The following TMC5 variants were observed in gnomAD, a reference collection of about 807,000 sequenced individuals.
The protein encoded by TMC5 is transmembrane channel like 5.
A neutral mutation model predicts 110.5 loss-of-function variants in TMC5; 86 were observed. That is an observed-to-expected ratio of 0.78 (90% CI 0.65 to 0.93). The LOEUF is 0.93. Among genes scored for constraint, TMC5 ranks in the 40% least tolerant of loss-of-function variants. The probability of loss-of-function intolerance (pLI) is 0.00; values close to 1 mark genes in which losing one functional copy is unlikely to be tolerated. For synonymous variants in TMC5, 455 were observed against 439.5 expected (o/e 1.04, Z -0.44); for missense variants, 1,144 against 1,222.8 (o/e 0.94, Z 0.96).
intron 20 of TMC5, among the ~76,000 whole-genome samples, chr16:19,495,463 T>C (rs1177355427): frequency 6.6e-6 from 1 of 152,228 alleles, no homozygotes; most frequent in Non-Finnish European, 1.5e-5. Flanking sequence ...AGCCCACCAC[T>C]AAATACTATA....
chr16:19,463,317 C>G lies in TMC5; in HGVS notation c.1186C>G (p.Arg396Gly), dbSNP rs200495961. ...VDKEKSKQTH[R>G]ILQLNCCIQC... Reference sequence around the variant, plus strand: ...CAAAGAAAAAAGCAAACAGACCCATCGTATCCTTCAGCTCAATTGCTGTAT... The same window carrying G: ...CAAAGAAAAAAGCAAACAGACCCATGGTATCCTTCAGCTCAATTGCTGTAT... Residue 396 changes from arginine to glycine, a missense_variant, in exon 7 of 22, where the codon CGT (arginine) becomes GGT (glycine). Coordinates refer to ENST00000542583, the MANE Select transcript of TMC5 (RefSeq NM_001261841.2). 2.2e-5 allele frequency: 35 copies of G among 1,613,920 alleles called. No individual in the cohort carries two copies. Among genetic ancestry groups the G allele is most frequent in the Admixed American group, 6.7e-5 (4 of 59,994 alleles).
At chr16:19,479,323 A>C in intron 13 of TMC5, 108 bp from the exon 14 acceptor site, 1 of 873,824 alleles carries the variant, frequency 1.1e-6, no homozygotes, top group South Asian at 1.3e-5. Flanking sequence ...GACTTGGTCA[A>C]ACCCAACCAT....
At chr16:19,417,094 CAAAAAAAAAAA>C (rs60613963), upstream of TMC5, among the ~76,000 whole-genome samples, 73 of 69,176 alleles carry the variant, frequency 1.1e-3, no homozygotes, top group African/African-American at 3.1e-3. Flanking sequence ...ACTCAGTCTT[CAAAAAAAAAAA>C]AAAAAAAAAG....
At position 19,477,524 on chromosome 16, in the gene TMC5, A is replaced by G. The variant is rs1361102900; in HGVS notation, c.2169+6A>G. 2 of 1,593,190 alleles carry G rather than the reference A, an allele frequency of 1.3e-6. No individual in the cohort carries two copies. The highest frequency in any genetic ancestry group is 3.5e-5 in the Admixed American group (2 of 57,004). On this transcript the variant is annotated splice_donor_region_variant and intron_variant, in intron 13 of 21. Coordinates refer to ENST00000542583, the MANE Select transcript of TMC5 (RefSeq NM_001261841.2). Reference sequence around the variant, plus strand: ...TGGCCCTGTCTGGTGAAGAGGTGAGATTCTATGCTTCTCTGCCTTAAGTTT... The same window carrying G: ...TGGCCCTGTCTGGTGAAGAGGTGAGGTTCTATGCTTCTCTGCCTTAAGTTT...
At chr16:19,421,338 G>A (rs888031265) in intron 1 of TMC5, among the ~76,000 whole-genome samples, 6 of 152,058 alleles carry the variant, frequency 3.9e-5, no homozygotes, top group Admixed American at 2.0e-4. Flanking sequence ...TGAGAGGGAC[G>A]CTGTGGGAGG....
intron 17 of TMC5, among the ~76,000 whole-genome samples, 178 bp downstream of exon 17, chr16:19,487,504 C>T (rs1464169691): frequency 6.6e-6 from 1 of 152,098 alleles, no homozygotes; most frequent in Non-Finnish European, 1.5e-5. Flanking sequence ...GAGTTCAGGA[C>T]CAGCCTGGCC....
At chr16:19,433,013 C>T (rs544951379) in intron 2 of TMC5, among the ~76,000 whole-genome samples, 1 of 151,948 alleles carries the variant, frequency 6.6e-6, no homozygotes, top group East Asian at 1.9e-4. Context: ...ATAATATACA[C>T]ATATAATACA....
chr16:19,480,513 G>A (rs1968591571), intron 14 of TMC5, among the ~76,000 whole-genome samples: 1 of 152,050 alleles, frequency 6.6e-6, no homozygotes, highest in Non-Finnish European at 1.5e-5. Flanking sequence ...ACATAAAGGT[G>A]AAAAGGTTTG....
chr16:19,438,425 AAGAAAGAAAG>A (rs1967401596), intron 2 of TMC5, among the ~76,000 whole-genome samples: 1 of 88,448 alleles, frequency 1.1e-5, no homozygotes, highest in Non-Finnish European at 2.3e-5. Context: ...AGAAAAGAAA[AAGAAAGAAAG>A]AGAAAGAAAG....
chr16:19,436,459 T>C (rs1470819043), intron 2 of TMC5, among the ~76,000 whole-genome samples: 1 of 152,110 alleles, frequency 6.6e-6, no homozygotes, highest in Non-Finnish European at 1.5e-5. Flanking sequence ...GCTATGGAAG[T>C]TTCTGGAGCA....
rs373006118 is a variant in TMC5 at position 19,487,238 on chromosome 16, G to T, written c.2485G>T (p.Ala829Ser). The stretch of plus-strand genomic sequence containing the variant: ...CCAGCCTCCGAGCAAAGCCTGGCGG[G>T]CCTCACAGATGATGACTTTCTTCAT... ...NFQPPSKAWR[A>S]SQMMTFFIFL... Residue 829 changes from alanine to serine, a missense_variant, in exon 17 of 22, where the codon GCC becomes TCC. Coordinates refer to ENST00000542583, the MANE Select transcript of TMC5 (RefSeq NM_001261841.2). 3.1e-6 allele frequency: 5 copies of T among 1,614,066 alleles called. No individual in the cohort carries two copies. In the African/African-American group the frequency reaches 6.7e-5, roughly 22 times the overall value.
chr16:19,444,096 A>G lies in TMC5; in HGVS notation c.804A>G (p.Thr268=), dbSNP rs371498687. 5 of 1,613,880 alleles carry G rather than the reference A, an allele frequency of 3.1e-6. No homozygotes were observed. In the African/African-American group the frequency reaches 6.7e-5, roughly 22 times the overall value. ...PKMTRGVLSR[T]SSIQPSFRHR... is the part of the protein sequence containing the mutation. Reference sequence around the variant, plus strand: ...TGGATTTTAGGGTGCTCAGCAGAACATCTTCAATCCAGCCCTCATTTCGTC... The same window carrying G: ...TGGATTTTAGGGTGCTCAGCAGAACGTCTTCAATCCAGCCCTCATTTCGTC... The change falls in exon 4 of 22, where the codon ACA becomes ACG. Residue 268 remains threonine, a synonymous_variant. Transcript: ENST00000542583.
In TMC5 at chr16:19,498,088, A is replaced by G. The variant is rs2151441321; in HGVS notation, c.*122A>G. 3.2e-6 allele frequency: 3 copies of G among 935,198 alleles called. No homozygotes were observed. Among genetic ancestry groups the G allele is most frequent in the Non-Finnish European group, 5.1e-6 (3 of 585,310 alleles). The allele number at this position is 935,198 out of a possible 1,614,324, so 57.9% of individuals were successfully genotyped here. The stretch of plus-strand genomic sequence containing the variant: ...AAGAAAATCCAAGGCTTTAGCCAGG[A>G]GCGGAAACTGACTACCATGTAATTA... On this transcript the variant is annotated 3_prime_UTR_variant, in exon 22 of 22. Transcript: ENST00000542583.
chr16:19,457,817 AG>A (rs1567310830), intron 5 of TMC5, among the ~76,000 whole-genome samples: 1 of 135,078 alleles, frequency 7.4e-6, no homozygotes, highest in Non-Finnish European at 1.5e-5. Context: ...TCTGCTTCCC[AG>A]GTTTAAGTGA....
At chr16:19,423,718 A>G (rs924111079) in intron 1 of TMC5, among the ~76,000 whole-genome samples, 1 of 152,120 alleles carries the variant, frequency 6.6e-6, no homozygotes, top group African/African-American at 2.4e-5. Flanking sequence ...CAAGTCTCCA[A>G]CACCAGCTGG....
At chr16:19,427,794 TC>T (rs1206176503) in intron 1 of TMC5, among the ~76,000 whole-genome samples, 4 of 152,082 alleles carry the variant, frequency 2.6e-5, no homozygotes, top group Non-Finnish European at 1.5e-5. Flanking sequence ...CCAAATGTGC[TC>T]TCAGAGGCAA....
chr16:19,416,962 C>T (rs1359316553), upstream of TMC5, among the ~76,000 whole-genome samples: 1 of 151,788 alleles, frequency 6.6e-6, no homozygotes, highest in Non-Finnish European at 1.5e-5. Flanking sequence ...GGTGTAGTGG[C>T]AGACACCTGT....
chr16:19,412,607 A>G (rs1363798878), intron 1 of TMC5, among the ~76,000 whole-genome samples: 2 of 151,956 alleles, frequency 1.3e-5, no homozygotes, highest in African/African-American at 4.8e-5. Context: ...ACCTCAGTTG[A>G]TCCACTCGCC....
intron 5 of TMC5, among the ~76,000 whole-genome samples, chr16:19,453,692 C>T (rs1167233060): frequency 1.3e-5 from 2 of 152,114 alleles, no homozygotes; most frequent in Non-Finnish European, 2.9e-5. Context: ...CCCTTGGGCC[C>T]AGGAGGCAGG....
Sources: gnomAD v4.1 joint callset for allele counts (sites outside exome capture counted in the v4.1 genomes callset) on GRCh38, gnomAD v4.1.1 for gene constraint, MANE v1.5 for transcripts, NCBI Gene and HGNC (gene_info 2026-07-23, HGNC 2026-07-21) for gene names.